The following IGSF10 variants were observed in gnomAD, a reference collection of about 807,000 sequenced individuals.
The protein encoded by IGSF10 is calvaria mechanical force protein 608.
A neutral mutation model predicts 128.2 loss-of-function variants in IGSF10; 126 were observed. The observed-to-expected ratio is 0.98, with a 90% CI of 0.85 to 1.14. IGSF10 has a LOEUF of 1.14. IGSF10 is among the 50% of genes most tolerant of loss of function. The pLI is 0.00. For missense variants in IGSF10, 3,295 were observed against 3,149.8 expected (o/e 1.05, Z -1.10); for synonymous variants, 1,185 against 1,146.2 (o/e 1.03, Z -0.68).
the IGSF10 span, among the ~76,000 whole-genome samples, chr3:151,515,683 T>C: frequency 2.3e-3 from 336 of 149,160 alleles, 4 homozygotes; most frequent in African/African-American, 8.1e-3. Flanking sequence ...CCAAAAAATA[T>C]ATAATATATA....
chr3:151,457,639 G>A (rs761286644), intron 3 of IGSF10, among the ~76,000 whole-genome samples: 1 of 151,978 alleles, frequency 6.6e-6, no homozygotes, highest in African/African-American at 2.4e-5. Flanking sequence ...TACAACCCTG[G>A]GTAAAATCAG....
At chr3:151,496,058 C>T in the IGSF10 span, among the ~76,000 whole-genome samples, 1 of 152,076 alleles carries the variant, frequency 6.6e-6, no homozygotes, top group Admixed American at 6.6e-5. Flanking sequence ...ACTTATGAAA[C>T]ACGTTGAATA....
chr3:151,537,402 G>A, the IGSF10 span, among the ~76,000 whole-genome samples: 2 of 152,240 alleles, frequency 1.3e-5, no homozygotes, highest in African/African-American at 2.4e-5. Flanking sequence ...AAATATTGAT[G>A]AGGTTGAGGC....
At chr3:151,489,819 T>TG in the IGSF10 span, among the ~76,000 whole-genome samples, 1 of 151,626 alleles carries the variant, frequency 6.6e-6, no homozygotes, top group Non-Finnish European at 1.5e-5. Flanking sequence ...TGGGGTCTGT[T>TG]GGGGGGTTGC....
downstream of IGSF10, chr3:151,432,647 TC>T: frequency 1.2e-6 from 1 of 821,602 alleles, no homozygotes; most frequent in Non-Finnish European, 2.0e-6. Context: ...CCATTCTGTT[TC>T]CCTGTACCTG....
chr3:151,516,994 A>T, the IGSF10 span, among the ~76,000 whole-genome samples: 3 of 151,842 alleles, frequency 2.0e-5, no homozygotes, highest in African/African-American at 7.3e-5. Flanking sequence ...CATTTATGTG[A>T]CATTGCCTGG....
In IGSF10 at chr3:151,460,739, T is replaced by TC. The variant is rs534720776; in HGVS notation, c.-89+206_-89+207insG. Among the ~76,000 whole-genome samples, 25 of 152,204 alleles carry TC rather than the reference T, an allele frequency of 1.6e-4. No homozygotes were observed. The East Asian group carries it at 4.8e-3, about 29-fold the overall frequency. On this transcript the variant is annotated intron_variant, in intron 1 of 7. Transcript: ENST00000282466. ...TTGTCTTTCCTCAGTGTGTGTTTTT[T>TC]TTTTTTGCCTGGCACCAGTCACCGA...
chr3:151,563,824 A>G, the IGSF10 span, among the ~76,000 whole-genome samples: 9 of 152,218 alleles, frequency 5.9e-5, no homozygotes, highest in Admixed American at 5.2e-4. Flanking sequence ...TATGCTAGGC[A>G]CTGTTTTAAA....
chr3:151,547,173 T>G, the IGSF10 span, among the ~76,000 whole-genome samples: 5 of 152,114 alleles, frequency 3.3e-5, no homozygotes, highest in Non-Finnish European at 1.5e-5. Context: ...AAATAAGGAT[T>G]TAGTTCCCTT....
At chr3:151,563,807 C>T in the IGSF10 span, among the ~76,000 whole-genome samples, 1 of 152,088 alleles carries the variant, frequency 6.6e-6, no homozygotes, top group Non-Finnish European at 1.5e-5. Context: ...TTATATAGGG[C>T]TTACTATATG....
the IGSF10 span, among the ~76,000 whole-genome samples, chr3:151,615,129 T>C: frequency 6.7e-6 from 1 of 150,294 alleles, no homozygotes; most frequent in African/African-American, 2.4e-5. Context: ...GAAACCTCTA[T>C]TTTGGGTCAG....
the IGSF10 span, among the ~76,000 whole-genome samples, chr3:151,548,279 G>C: frequency 6.6e-6 from 1 of 152,142 alleles, no homozygotes; most frequent in Non-Finnish European, 1.5e-5. Context: ...GGGTTCCTCT[G>C]TCAACAGCCC....
the IGSF10 span, among the ~76,000 whole-genome samples, chr3:151,528,928 G>A: frequency 5.9e-4 from 28 of 47,254 alleles, no homozygotes; most frequent in Admixed American, 5.3e-3. Context: ...CCACCCCCAT[G>A]GAGCCCAGCA....
In IGSF10 at chr3:151,447,216, AT is replaced by A; in HGVS notation, c.2764del (p.Ile922Ter). ...ATCTTTGATCATAGTCCTTACTGTTATTGGGGGTCTACTTTGGAAATGCTCT... is the reference window on the plus strand; with the variant it reads ...ATCTTTGATCATAGTCCTTACTGTTATGGGGGTCTACTTTGGAAATGCTCT... ...GREHFQSRPP[I>X]TVRTMIKDVN... On this transcript the variant is annotated frameshift_variant, in exon 6 of 8. Coordinates refer to ENST00000282466, the MANE Select transcript of IGSF10 (RefSeq NM_178822.5). LOFTEE classifies it high-confidence loss of function. The A allele has an allele frequency of 6.2e-7, 1 of 1,614,128 alleles. No homozygotes were observed. Among genetic ancestry groups the A allele is most frequent in the South Asian group, 1.1e-5 (1 of 91,082 alleles).
At chr3:151,517,712 A>G in the IGSF10 span, among the ~76,000 whole-genome samples, 26 of 152,076 alleles carry the variant, frequency 1.7e-4, no homozygotes, top group African/African-American at 6.0e-4. Context: ...ATGGGAGGCC[A>G]TTGTTCTGGA....
the IGSF10 span, among the ~76,000 whole-genome samples, chr3:151,596,977 G>A: frequency 1.3e-5 from 2 of 151,908 alleles, no homozygotes; most frequent in Non-Finnish European, 2.9e-5. Context: ...GAGACTCCAG[G>A]CAAGTTGTGT....
chr3:151,570,183 C>T, the IGSF10 span, among the ~76,000 whole-genome samples: 672 of 152,154 alleles, frequency 4.4e-3, 3 homozygotes, highest in Non-Finnish European at 5.6e-3. Context: ...TGAATAGTGC[C>T]GCAATAAACA....
At chr3:151,469,199 A>T in the IGSF10 span, among the ~76,000 whole-genome samples, 2 of 152,204 alleles carry the variant, frequency 1.3e-5, no homozygotes, top group African/African-American at 2.4e-5. Flanking sequence ...CAATGAACAT[A>T]TGCATGCATG....
At chr3:151,491,216 C>G in the IGSF10 span, among the ~76,000 whole-genome samples, 3 of 152,150 alleles carry the variant, frequency 2.0e-5, no homozygotes, top group Non-Finnish European at 4.4e-5. Context: ...TATAAATGAA[C>G]AACTATGTAC....
Sources: allele counts gnomAD v4.1 joint callset (sites outside exome capture counted in the v4.1 genomes callset), GRCh38; gene constraint gnomAD v4.1.1; transcripts MANE v1.5; gene names NCBI Gene and HGNC (gene_info 2026-07-23, HGNC 2026-07-21).